ZNF385D: variants seen among roughly 807,000 people sequenced by gnomAD.
ZNF385D encodes zinc finger protein 385D.
A neutral mutation model predicts 35.8 loss-of-function variants in ZNF385D; 15 were observed. The ratio of observed to expected loss-of-function variants is 0.42; its 90% confidence interval spans 0.28 to 0.64. The LOEUF is 0.64. Ranked by LOEUF, ZNF385D falls within the 30% of genes least tolerant of loss-of-function variation. The probability of loss-of-function intolerance (pLI) is 0.23; values close to 1 mark genes in which losing one functional copy is unlikely to be tolerated. For synonymous variants in ZNF385D, 212 were observed against 186.8 expected (o/e 1.13, Z -1.10); for missense variants, 474 against 494.6 (o/e 0.96, Z 0.39).
At chr3:21,499,465 C>G (rs775254659) in intron 4 of ZNF385D, among the ~76,000 whole-genome samples, 3 of 151,888 alleles carry the variant, frequency 2.0e-5, no homozygotes, top group Non-Finnish European at 4.4e-5. Context: ...ACAACAGACA[C>G]CAGGGCCTAT....
intron 3 of ZNF385D, among the ~76,000 whole-genome samples, chr3:21,962,872 C>T (rs1702674127): frequency 6.6e-6 from 1 of 152,124 alleles, no homozygotes. Flanking sequence ...TTTCATGTTG[C>T]AAGACATCTT....
intron 2 of ZNF385D, among the ~76,000 whole-genome samples, chr3:21,597,879 A>T (rs1335499062): frequency 1.3e-5 from 2 of 152,282 alleles, no homozygotes; most frequent in East Asian, 3.9e-4. Flanking sequence ...TTAAATAGGG[A>T]AGAATGAAAA....
At chr3:22,074,405 A>G (rs779384475) in intron 3 of ZNF385D, among the ~76,000 whole-genome samples, 19 of 151,980 alleles carry the variant, frequency 1.3e-4, no homozygotes, top group Non-Finnish European at 2.1e-4. Context: ...TAATTTTTCT[A>G]TGGGTGGAGC....
chr3:22,230,278 G>C (rs886674910), intron 2 of ZNF385D, among the ~76,000 whole-genome samples: 2 of 152,010 alleles, frequency 1.3e-5, no homozygotes, highest in South Asian at 2.1e-4. Context: ...TTTTACAATT[G>C]GATTTATCCT....
At chr3:21,939,297 A>G (rs1468671059) in intron 3 of ZNF385D, among the ~76,000 whole-genome samples, 1 of 152,186 alleles carries the variant, frequency 6.6e-6, no homozygotes, top group Non-Finnish European at 1.5e-5. Context: ...TAGTCAGGAT[A>G]ACAACACTGT....
chr3:22,208,309 C>G (rs189061010), intron 2 of ZNF385D, among the ~76,000 whole-genome samples: 1 of 151,910 alleles, frequency 6.6e-6, no homozygotes, highest in African/African-American at 2.4e-5. Flanking sequence ...AACTGGAGGT[C>G]TTTATGTTCA....
intron 2 of ZNF385D, among the ~76,000 whole-genome samples, chr3:21,585,490 T>C (rs2063783365): frequency 6.6e-6 from 1 of 152,206 alleles, no homozygotes; most frequent in South Asian, 2.1e-4. Flanking sequence ...TTGCATTTTG[T>C]AAAGGAATCT....
At chr3:22,179,370 G>C (rs1031564042) in intron 2 of ZNF385D, among the ~76,000 whole-genome samples, 1 of 152,176 alleles carries the variant, frequency 6.6e-6, no homozygotes, top group Non-Finnish European at 1.5e-5. Flanking sequence ...GTTCACTCAT[G>C]ATTTGGCTCT....
chr3:21,483,096 G>C (rs1704752879), intron 4 of ZNF385D, among the ~76,000 whole-genome samples: 1 of 150,628 alleles, frequency 6.6e-6, no homozygotes, highest in Non-Finnish European at 1.5e-5. Context: ...ATCATGATCA[G>C]GAATAGACTG....
intron 3 of ZNF385D, among the ~76,000 whole-genome samples, chr3:22,094,410 A>ATATATATCAACAATATAT (rs1386186822): frequency 1.2e-5 from 1 of 83,422 alleles, no homozygotes; most frequent in African/African-American, 4.0e-5. Context: ...ATATATATAT[A>ATATATATCAACAATATAT]AAGGCATTTG....
chr3:21,796,531 T>C (rs1346378780), intron 3 of ZNF385D, among the ~76,000 whole-genome samples: 45 of 152,102 alleles, frequency 3.0e-4, no homozygotes, highest in Admixed American at 2.9e-3. Flanking sequence ...CTGGAACAAC[T>C]GGATATCCAC....
chr3:22,111,952 G>A (rs917967521), intron 3 of ZNF385D, among the ~76,000 whole-genome samples: 8 of 152,070 alleles, frequency 5.3e-5, no homozygotes, highest in Non-Finnish European at 8.8e-5. Flanking sequence ...TCCATCAAAT[G>A]CAGCCAAGTC....
intron 3 of ZNF385D, among the ~76,000 whole-genome samples, chr3:21,810,020 A>G (rs1023780301): frequency 6.6e-6 from 1 of 152,178 alleles, no homozygotes; most frequent in African/African-American, 2.4e-5. Flanking sequence ...GAGAGAAGGG[A>G]AACTTTCCAA....
intron 3 of ZNF385D, among the ~76,000 whole-genome samples, chr3:21,802,614 CA>C (rs1401221088): frequency 2.6e-5 from 4 of 152,130 alleles, no homozygotes; most frequent in Non-Finnish European, 5.9e-5. Flanking sequence ...CAGGGCACTT[CA>C]GACAGGCCAA....
At position 22,147,804 on chromosome 3, in the gene ZNF385D, G is replaced by C. The variant is rs529884946; in HGVS notation, c.325+21013C>G. 4.6e-5 allele frequency among the ~76,000 whole-genome samples: 7 copies of C among 152,144 alleles called. No homozygotes were observed. The East Asian group carries it at 1.4e-3, about 29-fold the overall frequency. On this transcript the variant is annotated intron_variant, in intron 3 of 5. Coordinates refer to the ZNF385D transcript ENST00000494108. The stretch of plus-strand genomic sequence containing the variant: ...TACTCATTGTCCCTAATTTTGCATT[G>C]GCCACAGATTCCAGTGATAAAGTTT...
intron 3 of ZNF385D, among the ~76,000 whole-genome samples, chr3:22,094,911 TTCTC>T (rs1285652404): frequency 6.6e-6 from 1 of 151,970 alleles, no homozygotes; most frequent in Non-Finnish European, 1.5e-5. Flanking sequence ...TGGAAATTCT[TTCTC>T]TATCTCTTTT....
intron 3 of ZNF385D, among the ~76,000 whole-genome samples, chr3:21,948,050 T>C (rs1701881940): frequency 6.6e-6 from 1 of 152,136 alleles, no homozygotes; most frequent in African/African-American, 2.4e-5. Context: ...TTATGTCTGA[T>C]TCTGGACTTT....
intron 2 of ZNF385D, among the ~76,000 whole-genome samples, chr3:22,217,803 G>A (rs947736669): frequency 8.6e-5 from 13 of 152,024 alleles, no homozygotes; most frequent in African/African-American, 3.1e-4. Flanking sequence ...GTGTGGAGAT[G>A]GGAGGATTTC....
intron 1 of ZNF385D, among the ~76,000 whole-genome samples, chr3:21,723,708 C>G (rs367982684): frequency 6.6e-6 from 1 of 152,186 alleles, no homozygotes; most frequent in South Asian, 2.1e-4. Flanking sequence ...AGAATAGAAC[C>G]AAGTTGGAAA....
Sources: allele counts gnomAD v4.1 joint callset (sites outside exome capture counted in the v4.1 genomes callset), GRCh38; gene constraint gnomAD v4.1.1; transcripts MANE v1.5; gene names NCBI Gene and HGNC (gene_info 2026-07-23, HGNC 2026-07-21).